SNAP25: variants seen among roughly 807,000 people sequenced by gnomAD.
SNAP25 encodes synaptosomal-associated protein 25.
Under a neutral mutation model 28.7 loss-of-function variants are expected in SNAP25, and 3 were observed. The ratio of observed to expected loss-of-function variants is 0.10; its 90% confidence interval spans 0.05 to 0.27. The LOEUF is 0.27. Among genes scored for constraint, SNAP25 ranks in the 10% least tolerant of loss-of-function variants. The pLI is 1.00. For missense variants in SNAP25, 117 were observed against 278.7 expected (o/e 0.42, Z 4.13); for synonymous variants, 61 against 88.1 (o/e 0.69, Z 1.72).
chr20:10,228,173 T>C (rs1306740663), intron 1 of SNAP25, among the ~76,000 whole-genome samples: 1 of 152,134 alleles, frequency 6.6e-6, no homozygotes, highest in African/African-American at 2.4e-5. Flanking sequence ...TGCATCCAAC[T>C]TTCTCCAGAG....
intron 1 of SNAP25, among the ~76,000 whole-genome samples, chr20:10,260,883 A>C (rs2063403468): frequency 6.6e-6 from 1 of 152,202 alleles, no homozygotes; most frequent in African/African-American, 2.4e-5. Flanking sequence ...GATCACAGGC[A>C]AAAGGAGTTG....
chr20:10,247,256 A>G (rs1470940632), intron 1 of SNAP25, among the ~76,000 whole-genome samples: 1 of 152,234 alleles, frequency 6.6e-6, no homozygotes, highest in Non-Finnish European at 1.5e-5. Context: ...GACCAACAAC[A>G]GAGTGGTCAA....
intron 1 of SNAP25, among the ~76,000 whole-genome samples, chr20:10,256,174 A>T (rs1429228688): frequency 6.6e-6 from 1 of 152,222 alleles, no homozygotes; most frequent in Non-Finnish European, 1.5e-5. Context: ...AAGAAATAAT[A>T]ATAGCTAAGA....
At chr20:10,297,106 T>C (rs771880414) in intron 6 of SNAP25, 56 bp downstream of exon 6, 214 of 1,473,978 alleles carry the variant, frequency 1.5e-4, no homozygotes, top group Non-Finnish European at 1.8e-4. Context: ...TACAAACAAC[T>C]CCAAAACTGA....
chr20:10,273,261 C>T (rs2063629687), intron 1 of SNAP25, among the ~76,000 whole-genome samples: 1 of 152,048 alleles, frequency 6.6e-6, no homozygotes, highest in South Asian at 2.1e-4. Flanking sequence ...ATCTAATTTC[C>T]TCTCCCAGCT....
chr20:10,220,884 C>T (rs948336779), intron 1 of SNAP25, among the ~76,000 whole-genome samples: 2 of 152,152 alleles, frequency 1.3e-5, no homozygotes, highest in African/African-American at 4.8e-5. Flanking sequence ...TAATTTCATT[C>T]GCTGCTATTT....
chr20:10,256,318 C>T (rs1239466894), intron 1 of SNAP25, among the ~76,000 whole-genome samples: 1 of 151,996 alleles, frequency 6.6e-6, no homozygotes, highest in Non-Finnish European at 1.5e-5. Flanking sequence ...GAGTCATAAA[C>T]TAATGGAGAA....
intron 1 of SNAP25, among the ~76,000 whole-genome samples, chr20:10,228,133 C>T (rs760780954): frequency 3.6e-4 from 54 of 152,058 alleles, no homozygotes; most frequent in Non-Finnish European, 8.8e-5. Flanking sequence ...CTTTTTTCCC[C>T]ATTCCTTCTC....
At chr20:10,226,547 T>C (rs1205122681) in intron 1 of SNAP25, among the ~76,000 whole-genome samples, 1 of 152,140 alleles carries the variant, frequency 6.6e-6, no homozygotes, top group Non-Finnish European at 1.5e-5. Context: ...TGTGTTATGC[T>C]AGGTGTCCCC....
chr20:10,287,337 A>G (rs1292872171), intron 4 of SNAP25, among the ~76,000 whole-genome samples: 2 of 152,210 alleles, frequency 1.3e-5, no homozygotes, highest in East Asian at 1.9e-4. Context: ...CCCCATCAAA[A>G]AGTGGGTGAA....
At chr20:10,289,211 C>A (rs1307437633) in intron 4 of SNAP25, among the ~76,000 whole-genome samples, 3 of 152,144 alleles carry the variant, frequency 2.0e-5, no homozygotes, top group Non-Finnish European at 4.4e-5. Flanking sequence ...CTGAGCATGA[C>A]AACCAGACCT....
At chr20:10,273,686 T>G (rs2063637853) in intron 1 of SNAP25, among the ~76,000 whole-genome samples, 1 of 152,216 alleles carries the variant, frequency 6.6e-6, no homozygotes. Context: ...AGAGCACCAC[T>G]TCCTTGCAAT....
intron 7 of SNAP25, among the ~76,000 whole-genome samples, chr20:10,299,723 A>C (rs937723324): frequency 3.3e-5 from 5 of 152,236 alleles, no homozygotes; most frequent in African/African-American, 1.2e-4. Flanking sequence ...TTCACGGCCT[A>C]TGGGAGGCTA....
At chr20:10,299,819 A>G (rs2064192778) in intron 7 of SNAP25, among the ~76,000 whole-genome samples, 1 of 152,208 alleles carries the variant, frequency 6.6e-6, no homozygotes, top group Non-Finnish European at 1.5e-5. Context: ...TTAGATAAGG[A>G]AAGATCTCAA....
intron 1 of SNAP25, among the ~76,000 whole-genome samples, chr20:10,225,639 A>C (rs957850043): frequency 1.4e-4 from 22 of 152,136 alleles, no homozygotes; most frequent in African/African-American, 5.3e-4. Context: ...TCATGTCTTA[A>C]ATTGAGACTG....
chr20:10,236,248 A>G (rs540186026), intron 1 of SNAP25, among the ~76,000 whole-genome samples: 87 of 152,244 alleles, frequency 5.7e-4, no homozygotes, highest in Non-Finnish European at 2.6e-4. Context: ...TTGGTTCAAG[A>G]GGGCACCTGA....
rs6131070 is a variant in SNAP25, at chr20:10,268,114, C to T, written c.-63-7315C>T. Reference sequence around the variant, plus strand: ...AGTGCCCAACAAAGAGCAAGCCCTCCGTAAGTGTTAGTTAATATGATTATT... The same window carrying T: ...AGTGCCCAACAAAGAGCAAGCCCTCTGTAAGTGTTAGTTAATATGATTATT... On this transcript the variant is annotated intron_variant, in intron 1 of 7. Coordinates refer to ENST00000254976, the MANE Select transcript of SNAP25 (RefSeq NM_130811.4). 8.5e-4 allele frequency among the ~76,000 whole-genome samples: 130 copies of T among 152,164 alleles called. 1 individual carries two copies. Among genetic ancestry groups the T allele is most frequent in the South Asian group, 7.3e-3 (35 of 4,814 alleles).
At chr20:10,241,349 G>A (rs764604841) in intron 1 of SNAP25, among the ~76,000 whole-genome samples, 11 of 151,996 alleles carry the variant, frequency 7.2e-5, no homozygotes, top group Non-Finnish European at 1.2e-4. Flanking sequence ...TGCAGCCCCC[G>A]GGTCCATCAA....
intron 5 of SNAP25, among the ~76,000 whole-genome samples, chr20:10,294,692 G>T (rs2064070254): frequency 6.6e-6 from 1 of 151,762 alleles, no homozygotes; most frequent in Admixed American, 6.6e-5. Context: ...AGGCAGGAAA[G>T]TGGCTCAGGA....
Sources: gnomAD v4.1 joint callset for allele counts (sites outside exome capture counted in the v4.1 genomes callset) on GRCh38, gnomAD v4.1.1 for gene constraint, MANE v1.5 for transcripts, NCBI Gene and HGNC (gene_info 2026-07-23, HGNC 2026-07-21) for gene names.